ZSCAN25: variants seen among roughly 807,000 people sequenced by gnomAD.
ZSCAN25 encodes zinc finger and SCAN domain containing 25.
In ZSCAN25, 27 loss-of-function variants were observed where a neutral mutation model predicts 38.7. That is an observed-to-expected ratio of 0.70 (90% CI 0.51 to 0.96). The LOEUF is 0.96. Among genes scored for constraint, ZSCAN25 ranks in the 40% least tolerant of loss-of-function variants. The pLI, the probability that ZSCAN25 is intolerant of heterozygous loss-of-function variation, is 0.00. For missense variants in ZSCAN25, 637 were observed against 705.9 expected, an observed-to-expected ratio of 0.90 and a Z score of 1.11; for synonymous variants, 273 against 277.7, an observed-to-expected ratio of 0.98 and a Z score of 0.17.
the ZSCAN25 span, chr7:99,666,741 C>T: frequency 1.2e-6 from 2 of 1,613,320 alleles, no homozygotes; most frequent in Non-Finnish European, 8.5e-7. Flanking sequence ...ACTCAAGTCC[C>T]AGAAGGATAT....
chr7:99,729,875 A>G, the ZSCAN25 span, among the ~76,000 whole-genome samples: 41 of 152,320 alleles, frequency 2.7e-4, no homozygotes, highest in Middle Eastern at 6.8e-3. Flanking sequence ...AAGTGATTAA[A>G]AACATTTATT....
chr7:99,650,229 G>C, the ZSCAN25 span: 1 of 1,613,148 alleles, frequency 6.2e-7, no homozygotes, highest in Non-Finnish European at 8.5e-7. Flanking sequence ...TCTTCTTACT[G>C]AACCTAGTTC....
chr7:99,715,619 T>C, the ZSCAN25 span: 1 of 1,437,272 alleles, frequency 7.0e-7, no homozygotes. Flanking sequence ...ACAATGGTGA[T>C]GGTCGTACAT....
the ZSCAN25 span, among the ~76,000 whole-genome samples, chr7:99,685,631 G>A: frequency 6.6e-6 from 1 of 152,176 alleles, no homozygotes; most frequent in Non-Finnish European, 1.5e-5. Flanking sequence ...CCTCTTCACA[G>A]CCTGCTTTAT....
intron 3 of ZSCAN25, 37 bp from the exon 4 acceptor site, chr7:99,619,524 A>G (rs756059365): frequency 6.8e-7 from 1 of 1,460,020 alleles, no homozygotes; most frequent in African/African-American, 1.4e-5. Flanking sequence ...CAGAACTGGG[A>G]TGGGCTGACC....
the ZSCAN25 span, chr7:99,676,421 A>G: frequency 6.7e-7 from 1 of 1,487,086 alleles, no homozygotes; most frequent in Non-Finnish European, 9.0e-7. Flanking sequence ...ATTAGCTGAA[A>G]GCAGCTGAAG....
At chr7:99,700,011 C>T in the ZSCAN25 span, 74 of 1,611,862 alleles carry the variant, frequency 4.6e-5, no homozygotes, top group South Asian at 3.3e-4. Flanking sequence ...AGGTTTCCAC[C>T]GCCAAATTTG....
the ZSCAN25 span, among the ~76,000 whole-genome samples, chr7:99,657,833 T>C: frequency 6.6e-6 from 1 of 152,226 alleles, no homozygotes; most frequent in African/African-American, 2.4e-5. Context: ...TTTACCATTA[T>C]GTAATGGCCT....
At chr7:99,679,123 A>G in the ZSCAN25 span, among the ~76,000 whole-genome samples, 108 of 152,314 alleles carry the variant, frequency 7.1e-4, no homozygotes, top group African/African-American at 2.5e-3. Context: ...CAAAGAATAA[A>G]TCCTCGAAAC....
chr7:99,665,451 T>C, the ZSCAN25 span: 1 of 1,270,262 alleles, frequency 7.9e-7, no homozygotes, highest in Admixed American at 1.9e-5. Context: ...CTGAATCATC[T>C]TCCATCTACT....
In ZSCAN25 at chr7:99,621,287, G is replaced by A. The variant is rs981186613; in HGVS notation, c.388-86G>A. On this transcript the variant is annotated intron_variant, in intron 4 of 7. Transcript: ENST00000394152. The stretch of plus-strand genomic sequence containing the variant: ...CTGAAGCTGGAATGGTTCTTTTCTT[G>A]GTTCTCTTTTTAGATTTTAGTTCAA... 35 of 1,196,998 alleles carry A rather than the reference G, an allele frequency of 2.9e-5. No individual in the cohort carries two copies. The African/African-American group carries it at 3.4e-4, about 12-fold the overall frequency. 74.1% of individuals were successfully genotyped at this position (1,196,998 alleles called of 1,614,324 possible). A position where few individuals can be genotyped will look rare whatever the true frequency, so the allele number is the denominator to read the frequency against.
chr7:99,707,241 T>C, the ZSCAN25 span, among the ~76,000 whole-genome samples: 2 of 152,230 alleles, frequency 1.3e-5, no homozygotes, highest in African/African-American at 4.8e-5. Context: ...TAGTCCTTCG[T>C]ATCCAATAGA....
chr7:99,676,604 G>A, the ZSCAN25 span: 2 of 1,312,176 alleles, frequency 1.5e-6, no homozygotes, highest in Non-Finnish European at 2.0e-6. Flanking sequence ...GATTTTTTTT[G>A]TCTTTTGCAC....
intron 1 of ZSCAN25, among the ~76,000 whole-genome samples, chr7:99,617,331 C>T (rs1000594707): frequency 1.3e-5 from 2 of 152,230 alleles, no homozygotes; most frequent in Non-Finnish European, 2.9e-5. Context: ...AAGCAGAACT[C>T]TGTGCAAAGT....
At chr7:99,733,254 C>T in the ZSCAN25 span, among the ~76,000 whole-genome samples, 1 of 152,176 alleles carries the variant, frequency 6.6e-6, no homozygotes, top group Non-Finnish European at 1.5e-5. Context: ...ATCTCTCAGG[C>T]CAGGACAAAC....
the ZSCAN25 span, among the ~76,000 whole-genome samples, chr7:99,702,922 A>G: frequency 6.6e-6 from 1 of 152,164 alleles, no homozygotes; most frequent in South Asian, 2.1e-4. Context: ...AATTTCCTTC[A>G]TCAGTGTTTT....
chr7:99,662,788 G>GAAGCAC, the ZSCAN25 span: 1 of 1,601,236 alleles, frequency 6.2e-7, no homozygotes, highest in Non-Finnish European at 8.6e-7. This position sits in a 1 kb window ranked among gnomAD's most constrained non-coding sequence, Gnocchi z 4.3. Context: ...GTCCCCGCCA[G>GAAGCAC]TAGCCCTCAG....
At chr7:99,707,950 G>A in the ZSCAN25 span, 14 of 1,613,880 alleles carry the variant, frequency 8.7e-6, no homozygotes, top group Non-Finnish European at 1.2e-5. Flanking sequence ...AAGGATCTAT[G>A]TTGTCCTTGT....
the ZSCAN25 span, chr7:99,677,115 C>T: frequency 2.2e-6 from 2 of 925,776 alleles, no homozygotes; most frequent in Non-Finnish European, 2.6e-6. Flanking sequence ...CCCATTAAGC[C>T]TGGTGTTCAC....
Sources: allele counts gnomAD v4.1 joint callset (sites outside exome capture counted in the v4.1 genomes callset), GRCh38; gene constraint gnomAD v4.1.1; non-coding constraint Gnocchi (gnomAD v3.1); transcripts MANE v1.5; gene names NCBI Gene and HGNC (gene_info 2026-07-23, HGNC 2026-07-21).